MCFD2: variants seen among roughly 807,000 people sequenced by gnomAD.
MCFD2 encodes multiple coagulation factor deficiency 2, ER cargo receptor complex subunit, also known as multiple coagulation factor deficiency protein 2.
MCFD2 carries 11 observed loss-of-function variants against 12.8 expected under a neutral mutation model. The ratio of observed to expected loss-of-function variants is 0.86; its 90% confidence interval spans 0.54 to 1.42. The LOEUF (loss-of-function observed/expected upper bound fraction) is 1.42, where lower values mean the gene tolerates loss of function less well. Ranked by LOEUF, MCFD2 falls within the 40% of genes most tolerant of loss-of-function variation. The probability of loss-of-function intolerance (pLI) is 0.00; values close to 1 mark genes in which losing one functional copy is unlikely to be tolerated. For synonymous variants in MCFD2, 70 were observed against 68.1 expected (o/e 1.03, Z -0.14); for missense variants, 191 against 178.6 (o/e 1.07, Z -0.40).
At chr2:46,915,079 G>C (rs1378864082) in intron 1 of MCFD2, among the ~76,000 whole-genome samples, 1 of 152,218 alleles carries the variant, frequency 6.6e-6, no homozygotes, top group African/African-American at 2.4e-5. Context: ...ACAAACTACA[G>C]AGGATGAAGA....
At position 46,902,388 on chromosome 2, in the gene MCFD2, C is replaced by A. The variant is rs1668048660; in HGVS notation, c.*3075G>T. ...GCTAGGCCAGGTGGTAGTTTTACCC[C>A]TGCTGATAAAGTCCTGACATTCCTA... On this transcript the variant is annotated 3_prime_UTR_variant, in exon 4 of 4. Coordinates refer to ENST00000319466, the MANE Select transcript of MCFD2 (RefSeq NM_139279.6). The A allele has an allele frequency of 6.6e-6, 1 of 152,576 alleles. No homozygotes were observed. The highest frequency in any genetic ancestry group is 1.5e-5 in the Non-Finnish European group (1 of 68,032). 9.5% of individuals were successfully genotyped at this position (152,576 alleles called of 1,614,324 possible).
intron 1 of MCFD2, among the ~76,000 whole-genome samples, chr2:46,910,083 G>T (rs7599005): frequency 1.3e-5 from 2 of 152,126 alleles, no homozygotes; most frequent in African/African-American, 4.8e-5. Flanking sequence ...TACAGTGAGC[G>T]GGCACTGGAA....
rs1668368702 is a variant in MCFD2 at position 46,909,036 on chromosome 2, C to T, written c.136G>A (p.Val46Met). 6.2e-7 allele frequency: 1 copy of T among 1,614,232 alleles called. No individual in the cohort carries two copies. The highest frequency in any genetic ancestry group is 1.7e-5 in the Admixed American group (1 of 60,032). Residue 46 changes from valine (V) to methionine (M), a missense_variant, in exon 2 of 4, where the codon GTG becomes ATG. Transcript: ENST00000319466. ...CTGAATACGTACTCTTGGTCGTGCACTGTGTTCTTATCCAGGCCCATGCTG... is the reference window on the plus strand; with the variant it reads ...CTGAATACGTACTCTTGGTCGTGCATTGTGTTCTTATCCAGGCCCATGCTG... ...PGSMGLDKNT[V>M]HDQEHIMEHL...
chr2:46,904,796 T>C lies in MCFD2; in HGVS notation c.*667A>G, dbSNP rs1462998611. The C allele has an allele frequency of 6.4e-6, 1 of 155,812 alleles. No individual in the cohort carries two copies. The highest frequency in any genetic ancestry group is 1.4e-5 in the Non-Finnish European group (1 of 70,230). 9.7% of individuals were successfully genotyped at this position (155,812 alleles called of 1,614,324 possible). ...GTTAATGCTGAAAAGAGTTAAGACT[T>C]TGGGGGACTGTTAGGAAGGCATGAT... is the stretch of plus-strand genomic sequence containing the variant. On this transcript the variant is annotated 3_prime_UTR_variant, in exon 4 of 4. Transcript: ENST00000319466.
In MCFD2 at chr2:46,915,167, G is replaced by A. The variant is rs760279783; in HGVS notation, c.-7+556C>T. Among the ~76,000 whole-genome samples the A allele has an allele frequency of 1.1e-4, 17 of 152,236 alleles. 1 individual carries two copies. Among genetic ancestry groups the A allele is most frequent in the Non-Finnish European group, 2.4e-4 (16 of 68,038 alleles). On this transcript the variant is annotated intron_variant, in intron 1 of 3. Transcript: ENST00000319466. ...TGGCCTGAACTAGGTAGGGCAGGGG[G>A]ATGGGACTGGAGAATGAACGTATCC...
At chr2:46,917,672 A>G (rs1415734817), upstream of MCFD2, among the ~76,000 whole-genome samples, 1 of 152,156 alleles carries the variant, frequency 6.6e-6, no homozygotes, top group Non-Finnish European at 1.5e-5. Flanking sequence ...TCTCTACCAG[A>G]TAATTCCCAT....
rs914834323 is a variant in MCFD2 at position 46,907,694 on chromosome 2, G to C, written c.309+116C>G. ...TTACAGATGCGAGCCATCATGCCCA[G>C]TGGAGAAGCAGCACTCTTGGCACAT... On this transcript the variant is annotated intron_variant, in intron 3 of 3. Transcript: ENST00000319466. The surrounding 1 kb of genome is among the most constrained non-coding windows in gnomAD (Gnocchi z 4.1). The C allele has an allele frequency of 5.2e-6, 6 of 1,144,352 alleles. No individual in the cohort carries two copies. Among genetic ancestry groups the C allele is most frequent in the Admixed American group, 3.5e-5 (2 of 57,230 alleles). 70.9% of individuals were successfully genotyped at this position (1,144,352 alleles called of 1,614,324 possible).
At position 46,902,563 on chromosome 2, in the gene MCFD2, T is replaced by C. The variant is rs1186080134; in HGVS notation, c.*2900A>G. 1 of 152,648 alleles carries C rather than the reference T, an allele frequency of 6.6e-6. No homozygotes were observed. Among genetic ancestry groups the C allele is most frequent in the Non-Finnish European group, 1.5e-5 (1 of 68,046 alleles). The allele number at this position is 152,648 out of a possible 1,614,324, so 9.5% of individuals were successfully genotyped here. A position where few individuals can be genotyped will look rare whatever the true frequency, so the allele number is the denominator to read the frequency against. On this transcript the variant is annotated 3_prime_UTR_variant, in exon 4 of 4. Transcript: ENST00000319466. Reference sequence around the variant, plus strand: ...GCAATAAAGTATAAGGATGTGGCAGTAGTTGTATAAAATACTGAAAATCTG... The same window carrying C: ...GCAATAAAGTATAAGGATGTGGCAGCAGTTGTATAAAATACTGAAAATCTG...
upstream of MCFD2, chr2:46,917,302 A>C: frequency 1.5e-6 from 1 of 652,428 alleles, no homozygotes; most frequent in Non-Finnish European, 2.7e-6. Flanking sequence ...CGGGACAAAG[A>C]ATCCCTAAGT....
rs552679014 is a variant in MCFD2 at position 46,902,131 on chromosome 2, G to A, written c.*3332C>T. On this transcript the variant is annotated 3_prime_UTR_variant, in exon 4 of 4. Transcript: ENST00000319466. ...CGTTTCAGGTTTTCTATTACAGAAC[G>A]TCCATCACATCCAATAAACCAAATT... is the stretch of plus-strand genomic sequence containing the variant. 3 of 152,600 alleles carry A rather than the reference G, an allele frequency of 2.0e-5. No individual in the cohort carries two copies. Among genetic ancestry groups the A allele is most frequent in the Non-Finnish European group, 2.9e-5 (2 of 67,996 alleles). 9.5% of individuals were successfully genotyped at this position (152,600 alleles called of 1,614,324 possible).
Position 46,908,907 on chromosome 2 carries a change from T to C in MCFD2, c.149+116A>G, listed in dbSNP as rs1668359471. ...AGGAATAAGAATCATCCTTGAAGAATGTCAAGGAGCCATAGAAACAGGAAG... is the reference window on the plus strand; with the variant it reads ...AGGAATAAGAATCATCCTTGAAGAACGTCAAGGAGCCATAGAAACAGGAAG... On this transcript the variant is annotated intron_variant, in intron 2 of 3. Coordinates refer to ENST00000319466, the MANE Select transcript of MCFD2 (RefSeq NM_139279.6). This position sits in a 1 kb window ranked among gnomAD's most constrained non-coding sequence, Gnocchi z 4.5. 1.5e-6 allele frequency: 2 copies of C among 1,299,036 alleles called. No homozygotes were observed. The highest frequency in any genetic ancestry group is 1.1e-6 in the Non-Finnish European group (1 of 895,228). The allele number at this position is 1,299,036 out of a possible 1,614,324, so 80.5% of individuals were successfully genotyped here. A position where few individuals can be genotyped will look rare whatever the true frequency, so the allele number is the denominator to read the frequency against.
chr2:46,905,636 C>A, intron 3 of MCFD2, 42 bp from the exon 4 acceptor site: 1 of 1,588,482 alleles, frequency 6.3e-7, no homozygotes, highest in Non-Finnish European at 8.6e-7. Context: ...GCGCATTTTA[C>A]CGGAAGAAGT....
rs868627207 is a variant in MCFD2 at position 46,941,298 on chromosome 2, A to G, written c.-8+274T>C. On this transcript the variant is annotated intron_variant, in intron 1 of 2. Coordinates refer to the MCFD2 transcript ENST00000409147. This position sits in a 1 kb window ranked among gnomAD's most constrained non-coding sequence, Gnocchi z 4.2. ...CAGCAGAGGCGGAGGTTGCTCCTGT[A>G]CGCGTACGGGCCGCTCGGCCGGAGC... 9 of 177,224 alleles carry G rather than the reference A, an allele frequency of 5.1e-5. No individual in the cohort carries two copies. Among genetic ancestry groups the G allele is most frequent in the Admixed American group, 1.3e-4 (2 of 15,732 alleles). 11.0% of individuals were successfully genotyped at this position (177,224 alleles called of 1,614,324 possible).
intron 3 of MCFD2, chr2:46,906,777 T>A (rs2103739163): frequency 6.6e-6 from 1 of 152,496 alleles, no homozygotes; most frequent in East Asian, 1.9e-4. Context: ...CATGAGCCAC[T>A]GTGCTTAGCC....
intron 1 of MCFD2, among the ~76,000 whole-genome samples, chr2:46,914,840 C>T (rs1668641293): frequency 6.6e-6 from 1 of 152,228 alleles, no homozygotes; most frequent in Non-Finnish European, 1.5e-5. Context: ...GGAACTTGTT[C>T]TGATCTAAGA....
chr2:46,905,315 C>A lies in MCFD2; in HGVS notation c.*148G>T. Reference sequence around the variant, plus strand: ...CTCTTCTCTTTCATTTCTCTTATCTCTTCTCACCCCAGTGTAACGAATCGC... The same window carrying A: ...CTCTTCTCTTTCATTTCTCTTATCTATTCTCACCCCAGTGTAACGAATCGC... On this transcript the variant is annotated 3_prime_UTR_variant, in exon 4 of 4. Transcript: ENST00000319466. 1.2e-6 allele frequency: 1 copy of A among 817,462 alleles called. No individual in the cohort carries two copies. The highest frequency in any genetic ancestry group is 1.9e-5 in the Admixed American group (1 of 53,990). 50.6% of individuals were successfully genotyped at this position (817,462 alleles called of 1,614,324 possible).
At position 46,904,172 on chromosome 2, in the gene MCFD2, G is replaced by A. The variant is rs1472128487; in HGVS notation, c.*1291C>T. 1 of 152,274 alleles carries A rather than the reference G, an allele frequency of 6.6e-6. No homozygotes were observed. Among genetic ancestry groups the A allele is most frequent in the Non-Finnish European group, 1.5e-5 (1 of 68,074 alleles). 9.4% of individuals were successfully genotyped at this position (152,274 alleles called of 1,614,324 possible). ...CCGCCTAGTTTTCAGAAGATGTATG[G>A]AAATGCCTCAATGCCCAGGCAAACG... On this transcript the variant is annotated 3_prime_UTR_variant, in exon 4 of 4. Transcript: ENST00000319466.
Position 46,940,931 on chromosome 2 carries a change from A to G in MCFD2, c.-8+641T>C, listed in dbSNP as rs4314044. Among the ~76,000 whole-genome samples, 8,889 of 151,772 alleles carry G rather than the reference A, an allele frequency of 0.059. 322 individuals are homozygous for G. The highest frequency in any genetic ancestry group is 0.093 in the African/African-American group (3,864 of 41,476). Reference sequence around the variant, plus strand: ...ACCACACAAAGCCAGGTCGTCGGGCAGTGGTCTCCCAGGCTAAGAGCCCCG... The same window carrying G: ...ACCACACAAAGCCAGGTCGTCGGGCGGTGGTCTCCCAGGCTAAGAGCCCCG... On this transcript the variant is annotated intron_variant, in intron 1 of 2. Coordinates refer to the MCFD2 transcript ENST00000409147. This position sits in a 1 kb window ranked among gnomAD's most constrained non-coding sequence, Gnocchi z 4.7.
chr2:46,924,254 A>G (rs1669270994), intron 1 of MCFD2, among the ~76,000 whole-genome samples: 1 of 151,688 alleles, frequency 6.6e-6, no homozygotes, highest in Non-Finnish European at 1.5e-5. Flanking sequence ...AAAAATCTCA[A>G]AGTCCCTGTA....
Sources: gnomAD v4.1 joint callset for allele counts (sites outside exome capture counted in the v4.1 genomes callset) on GRCh38, gnomAD v4.1.1 for gene constraint, Gnocchi (gnomAD v3.1) non-coding constraint, MANE v1.5 for transcripts, NCBI Gene and HGNC (gene_info 2026-07-23, HGNC 2026-07-21) for gene names.